Variants in CYP27C1 observed in about 807,000 individuals in gnomAD.
CYP27C1 encodes cytochrome P450 family 27 subfamily C member 1.
A neutral mutation model predicts 40.6 loss-of-function variants in CYP27C1; 29 were observed. The observed-to-expected ratio is 0.71, with a 90% CI of 0.53 to 0.97. The LOEUF is 0.97. CYP27C1 is among the 50% of genes least tolerant of loss of function. The pLI is 0.00. For missense variants in CYP27C1, 390 were observed against 485.8 expected (o/e 0.80, Z 1.85); for synonymous variants, 198 against 186.8 (o/e 1.06, Z -0.49).
In CYP27C1 at chr2:127,196,426, C is replaced by T. The variant is rs557098523; in HGVS notation, c.1048-925G>A. Reference sequence around the variant, plus strand: ...TTATTGAAAATAATTGTTTTATTCTCGTAGGTCCCAAGATTTTCGCTAAAA... The same window carrying T: ...TTATTGAAAATAATTGTTTTATTCTTGTAGGTCCCAAGATTTTCGCTAAAA... On this transcript the variant is annotated intron_variant, in intron 5 of 8. Coordinates refer to ENST00000664447, the MANE Select transcript of CYP27C1 (RefSeq NM_001367502.1). This position sits in a 1 kb window ranked among gnomAD's most constrained non-coding sequence, Gnocchi z 4.5. 3.3e-5 allele frequency among the ~76,000 whole-genome samples: 5 copies of T among 152,100 alleles called. No individual in the cohort carries two copies. The highest frequency in any genetic ancestry group is 1.3e-4 in the Admixed American group (2 of 15,262).
Position 127,211,361 on chromosome 2 carries a change from G to GTTTTTTTTT in CYP27C1, c.283-5272_283-5271insAAAAAAAAA, listed in dbSNP as rs1156982574. 3.5e-4 allele frequency among the ~76,000 whole-genome samples: 36 copies of GTTTTTTTTT among 103,630 alleles called. 4 individuals carry two copies. The highest frequency in any genetic ancestry group is 1.2e-3 in the African/African-American group (31 of 25,202). 68.0% of individuals were successfully genotyped at this position (103,630 alleles called of 152,430 possible). ...ATCTCTGGGATACAGCTAAAGCAGTGTTTTTTTGTTTTTTTTTTTTTTTTT... is the reference window on the plus strand; with the variant it reads ...ATCTCTGGGATACAGCTAAAGCAGTGTTTTTTTTTTTTTTTTGTTTTTTTTTTTTTTTTT... On this transcript the variant is annotated intron_variant, in intron 1 of 8. Transcript: ENST00000664447.
rs11904520 is a variant in CYP27C1, at chr2:127,208,325, G to A, written c.283-2235C>T. 8.1e-3 allele frequency among the ~76,000 whole-genome samples: 1,238 copies of A among 152,250 alleles called. 17 individuals are homozygous for A. The highest frequency in any genetic ancestry group is 0.028 in the African/African-American group (1,172 of 41,530). ...CAGCCAAGGGAGGTGGTGAGTGAGC[G>A]GGCTACCCAGCTGGGGAAACTGTGC... is the stretch of plus-strand genomic sequence containing the variant. On this transcript the variant is annotated intron_variant, in intron 1 of 8. Transcript: ENST00000664447. This position sits in a 1 kb window ranked among gnomAD's most constrained non-coding sequence, Gnocchi z 5.2.
rs148794612 is a variant in CYP27C1, at chr2:127,215,627, T to C, written c.282+4362A>G. 8.6e-3 allele frequency among the ~76,000 whole-genome samples: 1,313 copies of C among 152,274 alleles called. 16 individuals carry two copies. Among genetic ancestry groups the C allele is most frequent in the African/African-American group, 0.03 (1,251 of 41,550 alleles). On this transcript the variant is annotated intron_variant, in intron 1 of 8. Coordinates refer to ENST00000664447, the MANE Select transcript of CYP27C1 (RefSeq NM_001367502.1). ...GCTCAGGCATGTAATCCTAGCACTC[T>C]GGGAGGCCAAGGCAGGTGGATTGCT...
At position 127,196,769 on chromosome 2, in the gene CYP27C1, A is replaced by T. The variant is rs2104681262; in HGVS notation, c.1048-1268T>A. 6.6e-6 allele frequency among the ~76,000 whole-genome samples: 1 copy of T among 152,368 alleles called. No individual in the cohort carries two copies. Among genetic ancestry groups the T allele is most frequent in the South Asian group, 2.1e-4 (1 of 4,830 alleles). On this transcript the variant is annotated intron_variant, in intron 5 of 8. Coordinates refer to ENST00000664447, the MANE Select transcript of CYP27C1 (RefSeq NM_001367502.1). The surrounding 1 kb of genome is among the most constrained non-coding windows in gnomAD (Gnocchi z 4.5). ...ATGGAATACTACTTAGTAATAAAAA[A>T]GAATCAATTACTGTTCTATGCCACC...
At chr2:127,193,051 A>G in intron 8 of CYP27C1, 43 bp downstream of exon 8, 1 of 1,607,088 alleles carries the variant, frequency 6.2e-7, no homozygotes, top group South Asian at 1.1e-5. Flanking sequence ...CCCAGTAGAA[A>G]GAGGCCGAAC....
At position 127,219,281 on chromosome 2, in the gene CYP27C1, G is replaced by A. The variant is rs1366726804; in HGVS notation, c.282+708C>T. The stretch of plus-strand genomic sequence containing the variant: ...CCTCAGCCCCAACTCCGCGGGTCCC[G>A]CCAGCTCTCCACTCCCAGGCCCCGG... On this transcript the variant is annotated intron_variant, in intron 1 of 8. Coordinates refer to ENST00000664447, the MANE Select transcript of CYP27C1 (RefSeq NM_001367502.1). The surrounding 1 kb of genome is among the most constrained non-coding windows in gnomAD (Gnocchi z 8.7). Among the ~76,000 whole-genome samples the A allele has an allele frequency of 6.6e-6, 1 of 151,922 alleles. No homozygotes were observed. Among genetic ancestry groups the A allele is most frequent in the African/African-American group, 2.4e-5 (1 of 41,350 alleles).
intron 2 of CYP27C1, among the ~76,000 whole-genome samples, chr2:127,204,444 GAA>G (rs1558930829): frequency 4.3e-5 from 1 of 23,272 alleles, no homozygotes; most frequent in East Asian, 3.0e-3. Flanking sequence ...GAAAGAAAAA[GAA>G]AGAAAGAAAG....
At position 127,201,085 on chromosome 2, in the gene CYP27C1, C is replaced by T; in HGVS notation, c.883+37G>A. 1 of 1,600,612 alleles carries T rather than the reference C, an allele frequency of 6.2e-7. No individual in the cohort carries two copies. Among genetic ancestry groups the T allele is most frequent in the Non-Finnish European group, 8.5e-7 (1 of 1,170,698 alleles). On this transcript the variant is annotated intron_variant, in intron 4 of 8. Coordinates refer to ENST00000664447, the MANE Select transcript of CYP27C1 (RefSeq NM_001367502.1). The surrounding 1 kb of genome is among the most constrained non-coding windows in gnomAD (Gnocchi z 6.0). The stretch of plus-strand genomic sequence containing the variant: ...TAGACACACAACACGGCAGGTCAAC[C>T]TGCTTCTGCAAAAGGTGCTCTCAAT...
chr2:127,211,316 C>T (rs1308794629), intron 1 of CYP27C1, among the ~76,000 whole-genome samples: 1 of 141,264 alleles, frequency 7.1e-6, no homozygotes, highest in Non-Finnish European at 1.5e-5. Context: ...CCAATGAGAA[C>T]AAAGAGACAA....
In CYP27C1 at chr2:127,192,410, C is replaced by T. The variant is rs945058766; in HGVS notation, c.1497+684G>A. The stretch of plus-strand genomic sequence containing the variant: ...CATTGACTTTACTTTTATAAAATTT[C>T]CTTCAGGTGTTATTTAGTTCCTGCT... On this transcript the variant is annotated intron_variant, in intron 8 of 8. Coordinates refer to ENST00000664447, the MANE Select transcript of CYP27C1 (RefSeq NM_001367502.1). Among the ~76,000 whole-genome samples, 3 of 152,192 alleles carry T rather than the reference C, an allele frequency of 2.0e-5. 1 individual carries two copies. The highest frequency in any genetic ancestry group is 4.4e-5 in the Non-Finnish European group (3 of 68,032).
chr2:127,215,792 A>C (rs1159239355), intron 1 of CYP27C1, among the ~76,000 whole-genome samples: 1 of 151,462 alleles, frequency 6.6e-6, no homozygotes, highest in African/African-American at 2.4e-5. Context: ...TGTACCCAGA[A>C]TATATAGAAA....
Position 127,185,680 on chromosome 2 carries a change from G to A in CYP27C1, c.*1591C>T, listed in dbSNP as rs1478039098. The A allele has an allele frequency of 1.3e-5, 2 of 152,026 alleles. No individual in the cohort carries two copies. Among genetic ancestry groups the A allele is most frequent in the Non-Finnish European group, 2.9e-5 (2 of 68,028 alleles). 9.4% of individuals were successfully genotyped at this position (152,026 alleles called of 1,614,324 possible). ...CTTTAACAAAAATGGTATGTGAAAT[G>A]GATATTATGTCTATTTACTTAAGGG... On this transcript the variant is annotated 3_prime_UTR_variant, in exon 9 of 9. Transcript: ENST00000664447. The surrounding 1 kb of genome is among the most constrained non-coding windows in gnomAD (Gnocchi z 4.9).
chr2:127,195,242 G>A lies in CYP27C1; in HGVS notation c.1214+93C>T, dbSNP rs775465128. The stretch of plus-strand genomic sequence containing the variant: ...TCACGAACATCCTCATCCTGAACAG[G>A]TCAGCCGGGGGGGCATTTGGAGGAC... On this transcript the variant is annotated intron_variant, in intron 6 of 8. Transcript: ENST00000664447. The surrounding 1 kb of genome is among the most constrained non-coding windows in gnomAD (Gnocchi z 6.2). 1.3e-6 allele frequency: 2 copies of A among 1,524,996 alleles called. No individual in the cohort carries two copies. The highest frequency in any genetic ancestry group is 4.5e-5 in the East Asian group (2 of 44,356). The allele number at this position is 1,524,996 out of a possible 1,614,324, so 94.5% of individuals were successfully genotyped here.
chr2:127,199,719 G>A (rs1453692661), intron 4 of CYP27C1, among the ~76,000 whole-genome samples, 180 bp from the exon 5 acceptor site: 1 of 152,160 alleles, frequency 6.6e-6, no homozygotes, highest in Admixed American at 6.5e-5. Flanking sequence ...TTATGTAAAT[G>A]AATGAAAAGT....
At chr2:127,217,739 T>C (rs575577835) in intron 1 of CYP27C1, among the ~76,000 whole-genome samples, 31 of 152,320 alleles carry the variant, frequency 2.0e-4, no homozygotes, top group Non-Finnish European at 4.1e-4. Flanking sequence ...AAATGAGAGG[T>C]GAGCTATGTA....
chr2:127,205,585 G>A (rs1683207596), intron 2 of CYP27C1: 1 of 729,550 alleles, frequency 1.4e-6, no homozygotes, highest in South Asian at 6.2e-5. Context: ...GGCGCTGTGA[G>A]TTTTGTCTGC....
intron 2 of CYP27C1, among the ~76,000 whole-genome samples, chr2:127,205,142 C>T (rs539355433): frequency 5.8e-4 from 89 of 152,352 alleles, no homozygotes; most frequent in Middle Eastern, 6.8e-3. Flanking sequence ...GATTCTGCCT[C>T]AGCATTCGGG....
rs1682885962 is a variant in CYP27C1 at position 127,195,636 on chromosome 2, T to C, written c.1048-135A>G. 1 of 746,360 alleles carries C rather than the reference T, an allele frequency of 1.3e-6. No individual in the cohort carries two copies. The highest frequency in any genetic ancestry group is 2.2e-5 in the South Asian group (1 of 44,494). The allele number at this position is 746,360 out of a possible 1,614,324, so 46.2% of individuals were successfully genotyped here. On this transcript the variant is annotated intron_variant, in intron 5 of 8. Transcript: ENST00000664447. This position sits in a 1 kb window ranked among gnomAD's most constrained non-coding sequence, Gnocchi z 6.2. The stretch of plus-strand genomic sequence containing the variant: ...AACTCATCCAATTCCATATAGCACC[T>C]AATGTCTTACTAAAAACGAAAGACT...
chr2:127,217,313 C>A (rs887328645), intron 1 of CYP27C1, among the ~76,000 whole-genome samples: 1 of 152,186 alleles, frequency 6.6e-6, no homozygotes, highest in African/African-American at 2.4e-5. Flanking sequence ...TCCCACTATG[C>A]CTCAGTTTCC....
Sources: gnomAD v4.1 joint callset for allele counts (sites outside exome capture counted in the v4.1 genomes callset) on GRCh38, gnomAD v4.1.1 for gene constraint, Gnocchi (gnomAD v3.1) non-coding constraint, MANE v1.5 for transcripts, NCBI Gene and HGNC (gene_info 2026-07-23, HGNC 2026-07-21) for gene names.